Variants in GGNBP2 observed in about 807,000 individuals in gnomAD.
The protein encoded by GGNBP2 is gametogenetin binding protein 2.
In GGNBP2, 10 loss-of-function variants were observed where a neutral mutation model predicts 85.9. That is an observed-to-expected ratio of 0.12 (90% CI 0.07 to 0.20). The LOEUF (loss-of-function observed/expected upper bound fraction) is 0.20, where lower values mean the gene tolerates loss of function less well. GGNBP2 is among the 10% of genes least tolerant of loss of function. The probability of loss-of-function intolerance (pLI) is 1.00; values close to 1 mark genes in which losing one functional copy is unlikely to be tolerated. For missense variants in GGNBP2, 595 were observed against 857.8 expected, an observed-to-expected ratio of 0.69 and a Z score of 3.83; for synonymous variants, 287 against 285.7, an observed-to-expected ratio of 1.00 and a Z score of -0.05.
chr17:36,548,726 C>T (rs1474187395), intron 2 of GGNBP2, among the ~76,000 whole-genome samples: 6 of 149,404 alleles, frequency 4.0e-5, no homozygotes, highest in Non-Finnish European at 7.4e-5. Context: ...GGCAGATTGC[C>T]TGAGCTCAGG....
At chr17:36,587,368 T>A in intron 13 of GGNBP2, 123 bp downstream of exon 13, 1 of 1,001,934 alleles carries the variant, frequency 1.0e-6, no homozygotes, top group Non-Finnish European at 1.5e-6. Context: ...TTAAGGGTAG[T>A]ATTTCATTAT....
At chr17:36,554,352 A>ATTTTTTTTTTTTTTTTTTTTT (rs780217291) in intron 2 of GGNBP2, among the ~76,000 whole-genome samples, 1 of 44,480 alleles carries the variant, frequency 2.2e-5, no homozygotes, top group Non-Finnish European at 3.6e-5. Flanking sequence ...ATGTACTTGA[A>ATTTTTTTTTTTTTTTTTTTTT]TTTTTTTTTT....
chr17:36,558,286 G>A (rs2074382814), intron 4 of GGNBP2, among the ~76,000 whole-genome samples: 1 of 147,236 alleles, frequency 6.8e-6, no homozygotes, highest in African/African-American at 2.5e-5. Flanking sequence ...GTGGTGGCGG[G>A]TCCCTGTAAT....
At chr17:36,583,951 A>T (rs1048659474) in intron 9 of GGNBP2, among the ~76,000 whole-genome samples, 1 of 152,202 alleles carries the variant, frequency 6.6e-6, no homozygotes, top group Non-Finnish European at 1.5e-5. Context: ...TCTTTTACTC[A>T]TGCATTGTTT....
rs1228984639 is a variant in GGNBP2 at position 36,554,831 on chromosome 17, A to C, written c.105A>C (p.Glu35Asp). ...YIDDTLTMVM[E>D]FPDNVLNLDG... ...GTTTGCATTTTAAGATGGTGATGGA[A>C]TTTCCTGATAATGTGTTAAATCTCG... Residue 35 changes from glutamate to aspartate, a missense_variant, in exon 3 of 14, where the codon GAA (glutamate) becomes GAC (aspartate). By Grantham distance (45) the Glu-to-Asp change is conservative. Around this residue, in one of 9 missense-constraint regions of GGNBP2, gnomAD observed 216 missense variants for 293.4 expected, o/e 0.74. Transcript: ENST00000613102. 1.2e-6 allele frequency: 2 copies of C among 1,602,348 alleles called. No individual in the cohort carries two copies. The highest frequency in any genetic ancestry group is 2.2e-5 in the South Asian group (2 of 90,800).
intron 2 of GGNBP2, among the ~76,000 whole-genome samples, chr17:36,554,303 C>T (rs554644860): frequency 7.9e-5 from 8 of 101,558 alleles, no homozygotes; most frequent in East Asian, 5.3e-4. Context: ...AGCAAGACTC[C>T]GTCTCAAAAA....
intron 2 of GGNBP2, 151 bp downstream of exon 2, chr17:36,545,968 C>A: frequency 1.7e-6 from 1 of 589,988 alleles, no homozygotes; most frequent in Non-Finnish European, 3.0e-6. Flanking sequence ...ACAAACTCGC[C>A]TTTGCAGTGG....
At position 36,554,904 on chromosome 17, in the gene GGNBP2, A is replaced by G. The variant is rs1219454638; in HGVS notation, c.174+4A>G. The G allele has an allele frequency of 3.2e-6, 5 of 1,562,918 alleles. No individual in the cohort carries two copies. Among genetic ancestry groups the G allele is most frequent in the Non-Finnish European group, 4.4e-6 (5 of 1,133,470 alleles). Reference sequence around the variant, plus strand: ...ACAGCTAAAGCAGTTCATTCAGGTAATAGTTTTTTCAATCAGTGTTTTTAA... The same window carrying G: ...ACAGCTAAAGCAGTTCATTCAGGTAGTAGTTTTTTCAATCAGTGTTTTTAA... On this transcript the variant is annotated splice_donor_region_variant and intron_variant, in intron 3 of 13. Transcript: ENST00000613102.
intron 1 of GGNBP2, 129 bp from the exon 2 acceptor site, chr17:36,545,490 G>C (rs554404869): frequency 4.6e-6 from 2 of 437,066 alleles, no homozygotes; most frequent in East Asian, 3.5e-5. Flanking sequence ...TTGGCTGAGC[G>C]TGTGTGGAAT....
At chr17:36,570,302 C>A (rs2074510421) in intron 6 of GGNBP2, among the ~76,000 whole-genome samples, 1 of 152,188 alleles carries the variant, frequency 6.6e-6, no homozygotes, top group Admixed American at 6.6e-5. Flanking sequence ...CACTTGAGCC[C>A]AGGAGGTTGA....
chr17:36,579,470 G>A, intron 8 of GGNBP2, 51 bp downstream of exon 8: 3 of 1,513,222 alleles, frequency 2.0e-6, no homozygotes, highest in Non-Finnish European at 2.7e-6. Context: ...TCACGTTATT[G>A]GACTGAATCT....
chr17:36,561,646 A>T (rs1431652074), intron 5 of GGNBP2, among the ~76,000 whole-genome samples: 1 of 151,410 alleles, frequency 6.6e-6, no homozygotes. Context: ...ATTTTTTGAG[A>T]TGGAGTCTCC....
chr17:36,575,648 A>ATATATATATGTT (rs374366757), intron 6 of GGNBP2, among the ~76,000 whole-genome samples: 1 of 54,910 alleles, frequency 1.8e-5, no homozygotes, highest in African/African-American at 1.1e-4. Flanking sequence ...ATATATATAT[A>ATATATATATGTT]TTTTTTTTTT....
intron 13 of GGNBP2, 174 bp downstream of exon 13, chr17:36,587,419 T>G (rs2074713588): frequency 1.4e-6 from 1 of 699,618 alleles, no homozygotes; most frequent in Non-Finnish European, 2.5e-6. Context: ...TCGTGGTTTA[T>G]GCAACTACTC....
rs755597241 is a variant in GGNBP2, at chr17:36,558,414, CAAAAAAAA to C, written c.428+1095_428+1102del. 2.1e-4 allele frequency among the ~76,000 whole-genome samples: 4 copies of C among 18,976 alleles called. No individual in the cohort carries two copies. In the East Asian group the frequency reaches 9.7e-3, roughly 46 times the overall value. 12.4% of individuals were successfully genotyped at this position (18,976 alleles called of 152,430 possible). A position where few individuals can be genotyped will look rare whatever the true frequency, so the allele number is the denominator to read the frequency against. On this transcript the variant is annotated intron_variant, in intron 4 of 13. Transcript: ENST00000613102. ...GGGCAACAAGAGTAAAGCTCCATCT[CAAAAAAAA>C]AAAAAAAAAAAAAAAAGGTAATAAA...
intron 13 of GGNBP2, among the ~76,000 whole-genome samples, chr17:36,588,575 G>T (rs771260692): frequency 1.3e-5 from 2 of 151,110 alleles, no homozygotes; most frequent in Non-Finnish European, 2.9e-5. Flanking sequence ...CTTTTTTATG[G>T]TTGTAAAGTT....
At chr17:36,547,628 A>C (rs993281065) in intron 2 of GGNBP2, 3 of 152,240 alleles carry the variant, frequency 2.0e-5, no homozygotes, top group African/African-American at 4.8e-5. Flanking sequence ...ACTGAAAAAG[A>C]TGTAACCTTG....
chr17:36,556,997 T>C, intron 3 of GGNBP2, 86 bp from the exon 4 acceptor site: 1 of 1,519,344 alleles, frequency 6.6e-7, no homozygotes, highest in Non-Finnish European at 9.0e-7. Flanking sequence ...TGTACTTTAC[T>C]GCACAAGGAT....
intron 6 of GGNBP2, chr17:36,574,976 G>A: frequency 6.6e-7 from 1 of 1,509,644 alleles, no homozygotes; most frequent in African/African-American, 1.4e-5. Context: ...CTTGAACCTG[G>A]TGCGCTGGCC....
Sources: allele counts gnomAD v4.1 joint callset (sites outside exome capture counted in the v4.1 genomes callset), GRCh38; gene constraint gnomAD v4.1.1; regional missense constraint gnomAD v4.1.1; transcripts MANE v1.5; gene names NCBI Gene and HGNC (gene_info 2026-07-23, HGNC 2026-07-21).